The following LARGE1 variants were observed in gnomAD, a reference collection of about 807,000 sequenced individuals.
LARGE1 encodes the protein LARGE xylosyl- and glucuronyltransferase 1, also known as xylosyl- and glucuronyltransferase LARGE1.
LARGE1 carries 43 observed loss-of-function variants against 87.6 expected under a neutral mutation model. The observed-to-expected ratio is 0.49, with a 90% CI of 0.38 to 0.63. The LOEUF is 0.63. Among genes scored for constraint, LARGE1 ranks in the 30% least tolerant of loss-of-function variants. The pLI, the probability that LARGE1 is intolerant of heterozygous loss-of-function variation, is 0.00. For missense variants in LARGE1, 802 were observed against 1,000.2 expected, an observed-to-expected ratio of 0.80 and a Z score of 2.67; for synonymous variants, 434 against 394.6, an observed-to-expected ratio of 1.10 and a Z score of -1.18.
intron 1 of LARGE1, among the ~76,000 whole-genome samples, chr22:33,771,643 G>A (rs1037043914): frequency 2.6e-5 from 4 of 151,920 alleles, no homozygotes; most frequent in African/African-American, 7.3e-5. Context: ...ACAATCTCCC[G>A]GCTGATGACT....
At chr22:33,141,985 G>A in the LARGE1 span, among the ~76,000 whole-genome samples, 3 of 152,082 alleles carry the variant, frequency 2.0e-5, no homozygotes, top group South Asian at 4.1e-4. Context: ...TCCATACTCT[G>A]CTGCCATTGA....
At chr22:33,410,190 C>G (rs1304304154) in intron 7 of LARGE1, among the ~76,000 whole-genome samples, 1 of 152,156 alleles carries the variant, frequency 6.6e-6, no homozygotes, top group African/African-American at 2.4e-5. Context: ...GTGATTCCAA[C>G]ATGCAGCCAT....
intron 2 of LARGE1, chr22:33,750,985 A>G (rs2084294764): frequency 6.6e-6 from 1 of 152,246 alleles, no homozygotes; most frequent in Non-Finnish European, 1.5e-5. Flanking sequence ...ATAGATTCAC[A>G]TATCCCAAAG....
intron 1 of LARGE1, among the ~76,000 whole-genome samples, chr22:33,814,344 TTTG>T: frequency 6.6e-6 from 1 of 152,340 alleles, no homozygotes; most frequent in Admixed American, 6.5e-5. Context: ...GGTCAAATAC[TTTG>T]GTTCCTGACA....
chr22:33,348,289 C>CCCA (rs1569081859), intron 9 of LARGE1, among the ~76,000 whole-genome samples: 57 of 124,020 alleles, frequency 4.6e-4, no homozygotes, highest in South Asian at 1.2e-3. Flanking sequence ...CACCCCCCCC[C>CCCA]AAAAAAAAAG....
intron 6 of LARGE1, among the ~76,000 whole-genome samples, chr22:33,433,161 C>G (rs563664270): frequency 3.5e-4 from 53 of 152,340 alleles, no homozygotes; most frequent in Non-Finnish European, 5.6e-4. Context: ...GGACCAGTGA[C>G]TTGGACAGCT....
chr22:33,695,726 G>T (rs931882528), intron 2 of LARGE1, among the ~76,000 whole-genome samples: 3 of 152,102 alleles, frequency 2.0e-5, no homozygotes, highest in African/African-American at 4.8e-5. Context: ...ATGTTTATGG[G>T]TTTTTTCCCC....
chr22:33,616,799 G>T (rs2149035736), intron 4 of LARGE1, among the ~76,000 whole-genome samples: 1 of 152,308 alleles, frequency 6.6e-6, no homozygotes. Flanking sequence ...TTAGTGGTTG[G>T]TATGGGATGG....
rs191850912 is a variant in LARGE1, at chr22:33,852,514, A to T, written c.-83+67481T>A. On this transcript the variant is annotated intron_variant, in intron 1 of 14. Coordinates refer to ENST00000397394, the MANE Select transcript of LARGE1 (RefSeq NM_133642.5). ...GTTTTTTGTCTATAAAAATAAACAC[A>T]ACAAATTTAAAAAAACATACAGTCT... 5.3e-5 allele frequency among the ~76,000 whole-genome samples: 8 copies of T among 152,244 alleles called. No homozygotes were observed. In the East Asian group the frequency reaches 7.7e-4, roughly 15 times the overall value.
intron 9 of LARGE1, among the ~76,000 whole-genome samples, chr22:33,364,853 T>G (rs1052386255): frequency 1.3e-5 from 2 of 150,790 alleles, no homozygotes; most frequent in African/African-American, 2.4e-5. Context: ...CATGCCACCA[T>G]GCCGGCTAAT....
intron 6 of LARGE1, among the ~76,000 whole-genome samples, chr22:33,495,580 G>A (rs6518828): frequency 0.26 from 40,013 of 151,898 alleles, 6,172 homozygotes; most frequent in East Asian, 0.38. Context: ...TTAGCTGGGC[G>A]TGGTGGCATG....
chr22:33,561,774 G>A (rs2077870278), intron 6 of LARGE1, among the ~76,000 whole-genome samples: 1 of 152,232 alleles, frequency 6.6e-6, no homozygotes, highest in Admixed American at 6.5e-5. Flanking sequence ...GCTGACATAG[G>A]AGGGAGGTAT....
chr22:33,276,981 T>C, intron 14 of LARGE1, 79 bp downstream of exon 14: 1 of 1,363,216 alleles, frequency 7.3e-7, no homozygotes, highest in Non-Finnish European at 1.0e-6. Flanking sequence ...TGCTTTCTTG[T>C]CTCCAAGGAT....
chr22:33,303,025 A>AT lies in LARGE1; in HGVS notation c.1730+1203dup, dbSNP rs1328950769. On this transcript the variant is annotated intron_variant, in intron 12 of 14. Coordinates refer to ENST00000397394, the MANE Select transcript of LARGE1 (RefSeq NM_133642.5). ...GCTGACCAATGGCAGTAAATAAAGGATTTTTTTAAAATGTCATTGGACCAT... is the reference window on the plus strand; with the variant it reads ...GCTGACCAATGGCAGTAAATAAAGGATTTTTTTTAAAATGTCATTGGACCAT... 5.9e-5 allele frequency among the ~76,000 whole-genome samples: 9 copies of AT among 152,282 alleles called. No homozygotes were observed. In the East Asian group the frequency reaches 1.2e-3, roughly 20 times the overall value.
rs117833859 is a variant in LARGE1, at chr22:33,681,768, T to C, written c.107-31100A>G. 7.4e-3 allele frequency among the ~76,000 whole-genome samples: 1,123 copies of C among 152,342 alleles called. 6 individuals carry two copies. Among genetic ancestry groups the C allele is most frequent in the Non-Finnish European group, 9.6e-3 (652 of 68,038 alleles). ...GTGTTTTCTAAAAGTGTTTGCTAAT[T>C]TGCAATTCTTACTTTGATAATTATC... is the stretch of plus-strand genomic sequence containing the variant. On this transcript the variant is annotated intron_variant, in intron 2 of 14. Transcript: ENST00000397394.
At chr22:33,716,867 G>A (rs2082924264) in intron 2 of LARGE1, among the ~76,000 whole-genome samples, 2 of 152,166 alleles carry the variant, frequency 1.3e-5, no homozygotes, top group African/African-American at 4.8e-5. Flanking sequence ...AATATGAGAA[G>A]GCGAAAAGAC....
At chr22:33,072,769 C>G in the LARGE1 span, among the ~76,000 whole-genome samples, 3 of 152,268 alleles carry the variant, frequency 2.0e-5, no homozygotes, top group South Asian at 4.1e-4. Flanking sequence ...TCTCCCAAGT[C>G]TAAATCCAAA....
intron 7 of LARGE1, among the ~76,000 whole-genome samples, chr22:33,395,297 C>T (rs1400488893): frequency 6.8e-6 from 1 of 147,430 alleles, no homozygotes; most frequent in Admixed American, 6.8e-5. Flanking sequence ...GAAAAGGAAG[C>T]TGTAGGCCTA....
intron 7 of LARGE1, among the ~76,000 whole-genome samples, chr22:33,431,807 T>C (rs1432946918): frequency 2.0e-5 from 3 of 152,218 alleles, no homozygotes; most frequent in African/African-American, 7.2e-5. Flanking sequence ...ATATCCGTTG[T>C]GTTAAGAAAC....
Sources: allele counts gnomAD v4.1 joint callset (sites outside exome capture counted in the v4.1 genomes callset), GRCh38; gene constraint gnomAD v4.1.1; transcripts MANE v1.5; gene names NCBI Gene and HGNC (gene_info 2026-07-23, HGNC 2026-07-21).